Variants in VAV3 observed in about 807,000 individuals in gnomAD.
The protein encoded by VAV3 is guanine nucleotide exchange factor VAV3.
In VAV3, 94 loss-of-function variants were observed where a neutral mutation model predicts 131.2. That is an observed-to-expected ratio of 0.72 (90% CI 0.61 to 0.85). VAV3 has a LOEUF of 0.85. Ranked by LOEUF, VAV3 falls within the 40% of genes least tolerant of loss-of-function variation. The pLI is 0.00. For synonymous variants in VAV3, 349 were observed against 342.0 expected (o/e 1.02, Z -0.22); for missense variants, 939 against 1,002.7 (o/e 0.94, Z 0.86).
intron 2 of VAV3, among the ~76,000 whole-genome samples, chr1:107,860,354 T>TTAATAGAAATGATAAACCCC (rs1557886960): frequency 6.6e-6 from 1 of 151,866 alleles, no homozygotes; most frequent in Non-Finnish European, 1.5e-5. Context: ...GCGGTGATTG[T>TTAATAGAAATGATAAACCCC]AGTAGTTTTC....
chr1:107,655,550 A>G (rs1656480042), intron 19 of VAV3, among the ~76,000 whole-genome samples: 1 of 152,154 alleles, frequency 6.6e-6, no homozygotes, highest in Admixed American at 6.6e-5. Flanking sequence ...ATGCTCCAGG[A>G]CACTGGTTTG....
intron 17 of VAV3, among the ~76,000 whole-genome samples, chr1:107,699,011 C>T (rs1403916880): frequency 6.6e-6 from 1 of 152,100 alleles, no homozygotes; most frequent in African/African-American, 2.4e-5. Context: ...GACACAGAGC[C>T]AAACCATATC....
chr1:107,733,243 T>C (rs7540024), intron 15 of VAV3, among the ~76,000 whole-genome samples: 45,888 of 152,010 alleles, frequency 0.3, 7,302 homozygotes, highest in African/African-American at 0.4. Context: ...GTCACCATCA[T>C]CAAAGACCAA....
At chr1:107,869,653 ATTT>A (rs1670164572) in intron 2 of VAV3, among the ~76,000 whole-genome samples, 2 of 152,096 alleles carry the variant, frequency 1.3e-5, no homozygotes, top group Non-Finnish European at 2.9e-5. Flanking sequence ...TTGTTTTTCA[ATTT>A]TTTATTTACA....
chr1:107,830,792 A>C (rs4359051), intron 2 of VAV3, among the ~76,000 whole-genome samples: 14,207 of 152,250 alleles, frequency 0.093, 842 homozygotes, highest in East Asian at 0.26. Flanking sequence ...TGGCCTTGAA[A>C]TCCTGGCTTC....
chr1:107,621,885 G>A (rs1442842910), intron 20 of VAV3, among the ~76,000 whole-genome samples: 1 of 152,068 alleles, frequency 6.6e-6, no homozygotes. Flanking sequence ...GGGCATCTCT[G>A]TACTATGTGA....
intron 2 of VAV3, among the ~76,000 whole-genome samples, chr1:107,848,022 C>T (rs1343210047): frequency 6.6e-6 from 1 of 152,124 alleles, no homozygotes; most frequent in Non-Finnish European, 1.5e-5. Context: ...CAATAAAATA[C>T]TGGCAAACCA....
rs546919407 is a variant in VAV3 at position 107,631,049 on chromosome 1, C to T, written c.1914+11570G>A. ...CAATTAGAGAAGACTATATCAAGTTCGGTACAAAGACTGTTTAGCAAGTGA... is the reference window on the plus strand; with the variant it reads ...CAATTAGAGAAGACTATATCAAGTTTGGTACAAAGACTGTTTAGCAAGTGA... On this transcript the variant is annotated intron_variant, in intron 20 of 26. Coordinates refer to ENST00000370056, the MANE Select transcript of VAV3 (RefSeq NM_006113.5). Among the ~76,000 whole-genome samples the T allele has an allele frequency of 3.3e-4, 50 of 152,108 alleles. No individual in the cohort carries two copies. The East Asian group carries it at 7.7e-3, about 24-fold the overall frequency.
chr1:107,650,543 TATTA>T (rs1214578311), intron 19 of VAV3, among the ~76,000 whole-genome samples: 1 of 150,104 alleles, frequency 6.7e-6, no homozygotes, highest in East Asian at 2.0e-4. Context: ...ATTTTTATTT[TATTA>T]TTTATTTATT....
intron 20 of VAV3, among the ~76,000 whole-genome samples, chr1:107,627,437 G>T (rs965251940): frequency 3.3e-5 from 5 of 152,134 alleles, no homozygotes; most frequent in African/African-American, 1.2e-4. Flanking sequence ...AATTGGGAAG[G>T]CAGAATAGTC....
At chr1:107,816,374 A>C (rs1210299896) in intron 2 of VAV3, among the ~76,000 whole-genome samples, 2 of 152,228 alleles carry the variant, frequency 1.3e-5, no homozygotes, top group Non-Finnish European at 2.9e-5. Context: ...GAGATAGATA[A>C]TGAAAAAGCT....
intron 1 of VAV3, among the ~76,000 whole-genome samples, chr1:107,891,203 T>C (rs564310944): frequency 3.9e-4 from 60 of 152,294 alleles, no homozygotes; most frequent in African/African-American, 1.3e-3. Context: ...TTCATCTTTT[T>C]CCTCTACCTG....
At position 107,659,622 on chromosome 1, in the gene VAV3, T is replaced by C. The variant is rs369283445; in HGVS notation, c.1778-16867A>G. 2.6e-5 allele frequency among the ~76,000 whole-genome samples: 4 copies of C among 152,336 alleles called. No homozygotes were observed. The East Asian group carries it at 5.8e-4, about 22-fold the overall frequency. ...TATTTTGTATTTTTACATAACCTTC[T>C]TGGAATCTACAGAAATGTATCCCGA... On this transcript the variant is annotated intron_variant, in intron 19 of 26. Transcript: ENST00000370056.
At chr1:107,654,009 CAAAG>C (rs1206696219) in intron 19 of VAV3, among the ~76,000 whole-genome samples, 1 of 152,046 alleles carries the variant, frequency 6.6e-6, no homozygotes, top group Non-Finnish European at 1.5e-5. Flanking sequence ...GTGCCTGTGT[CAAAG>C]AAGGTTCTTA....
intron 15 of VAV3, among the ~76,000 whole-genome samples, chr1:107,705,626 ATTTAT>A (rs900184133): frequency 2.0e-5 from 3 of 152,150 alleles, no homozygotes; most frequent in Non-Finnish European, 4.4e-5. Flanking sequence ...TAATTTTACC[ATTTAT>A]TTTATATTTT....
At chr1:107,721,980 A>G (rs1485592459) in intron 15 of VAV3, among the ~76,000 whole-genome samples, 2 of 152,210 alleles carry the variant, frequency 1.3e-5, no homozygotes, top group Non-Finnish European at 2.9e-5. Flanking sequence ...TGGCAGATGA[A>G]GGCAAGTATT....
intron 18 of VAV3, among the ~76,000 whole-genome samples, chr1:107,686,319 T>TA (rs1373281903): frequency 1.3e-5 from 2 of 151,672 alleles, no homozygotes; most frequent in Admixed American, 1.3e-4. Context: ...GTGCAAAATT[T>TA]AAAAAAAATT....
chr1:107,733,501 T>C (rs1178503443), intron 15 of VAV3, among the ~76,000 whole-genome samples: 1 of 152,144 alleles, frequency 6.6e-6, no homozygotes, highest in East Asian at 1.9e-4. Flanking sequence ...GAAAAAAGAT[T>C]AGACGAATGG....
In VAV3 at chr1:107,765,119, T is replaced by A. The variant is rs761216373; in HGVS notation, c.878A>T (p.Asp293Val). The change falls in exon 9 of 27, where the codon GAC (aspartate) becomes GTC (valine). Residue 293 changes from aspartate (D) to valine (V), a missense_variant. By Grantham distance (152) the Asp-to-Val change is radical. Transcript: ENST00000370056. Reference protein sequence around the residue: ...SGVESAISSLDYISKTKEDVK... With the variant: ...SGVESAISSLVYISKTKEDVK... ...ATCTTCTTTTGTCTTAGAAATGTAG[T>A]CTAAACTAGAGATGGCTGACTCCAC... 8 of 1,613,416 alleles carry A rather than the reference T, an allele frequency of 5.0e-6. No homozygotes were observed. Among genetic ancestry groups the A allele is most frequent in the Non-Finnish European group, 6.8e-6 (8 of 1,179,646 alleles).
Sources: gnomAD v4.1 joint callset for allele counts (sites outside exome capture counted in the v4.1 genomes callset) on GRCh38, gnomAD v4.1.1 for gene constraint, MANE v1.5 for transcripts, NCBI Gene and HGNC (gene_info 2026-07-23, HGNC 2026-07-21) for gene names.